Variants in TSHR observed in about 807,000 individuals in gnomAD.
The protein encoded by TSHR is thyroid stimulating hormone receptor, also known as thyrotropin receptor.
In TSHR, 51 loss-of-function variants were observed where a neutral mutation model predicts 64.1. The ratio of observed to expected loss-of-function variants is 0.80; its 90% CI spans 0.64 to 1.01. The LOEUF is 1.01. Ranked by LOEUF, TSHR falls within the 50% of genes least tolerant of loss-of-function variation. The pLI is 0.00. For missense variants in TSHR, 877 were observed against 942.8 expected, an observed-to-expected ratio of 0.93 and a Z score of 0.91; for synonymous variants, 361 against 361.9, an observed-to-expected ratio of 1.00 and a Z score of 0.03.
intron 1 of TSHR, among the ~76,000 whole-genome samples, chr14:80,961,929 C>T (rs1285244121): frequency 6.6e-6 from 1 of 152,160 alleles, no homozygotes; most frequent in African/African-American, 2.4e-5. Flanking sequence ...CTTGATGAAA[C>T]CTTCCCAATC....
At chr14:81,010,581 G>A (rs1205066507) in intron 1 of TSHR, among the ~76,000 whole-genome samples, 1 of 151,754 alleles carries the variant, frequency 6.6e-6, no homozygotes, top group East Asian at 1.9e-4. Flanking sequence ...ATCTTTATAT[G>A]CAACAACATT....
At chr14:81,079,845 A>AC (rs1244780210) in intron 3 of TSHR, among the ~76,000 whole-genome samples, 2 of 145,702 alleles carry the variant, frequency 1.4e-5, no homozygotes, top group Non-Finnish European at 3.0e-5. Context: ...ACAGAATGAG[A>AC]CCCCTAGCTC....
intron 1 of TSHR, among the ~76,000 whole-genome samples, chr14:81,019,457 CTTTTTTT>C (rs1166193901): frequency 2.5e-5 from 3 of 118,388 alleles, no homozygotes; most frequent in Non-Finnish European, 3.6e-5. Context: ...ATCATCAATT[CTTTTTTT>C]TTTTTTTTTT....
chr14:81,068,502 A>C (rs1886825998), intron 3 of TSHR, 174 bp downstream of exon 3: 1 of 631,820 alleles, frequency 1.6e-6, no homozygotes, highest in African/African-American at 1.8e-5. Flanking sequence ...CATCTTCATT[A>C]CACCTCAATT....
intron 8 of TSHR, among the ~76,000 whole-genome samples, chr14:81,136,418 C>CATGTTGTAGTG (rs375117993): frequency 0.068 from 10,320 of 152,206 alleles, 845 homozygotes; most frequent in East Asian, 0.24. Flanking sequence ...GGAAATCCAA[C>CATGTTGTAGTG]ATTCCTCAAG....
chr14:81,096,544 T>C, intron 6 of TSHR, 95 bp from the exon 7 acceptor site: 1 of 1,280,428 alleles, frequency 7.8e-7, no homozygotes, highest in Non-Finnish European at 1.1e-6. Flanking sequence ...TTTATGTACA[T>C]TTATGACACT....
chr14:81,106,056 T>G (rs1595123055), intron 7 of TSHR, among the ~76,000 whole-genome samples: 1 of 152,020 alleles, frequency 6.6e-6, no homozygotes, highest in South Asian at 2.1e-4. Context: ...AATGATCAAG[T>G]GGGGATTGTG....
At position 81,090,747 on chromosome 14, in the gene TSHR, T is replaced by TCA. The variant is rs374517515; in HGVS notation, c.393-306_393-305dup. On this transcript the variant is annotated intron_variant, in intron 4 of 9. Coordinates refer to ENST00000298171, the MANE Select transcript of TSHR (RefSeq NM_000369.5). ...AATTTTTTCCAATTAAACGAGAAAATCACACACACACACACACGAAAACTG... is the reference window on the plus strand; with the variant it reads ...AATTTTTTCCAATTAAACGAGAAAATCACACACACACACACACACGAAAACTG... Among the ~76,000 whole-genome samples, 1,398 of 151,382 alleles carry TCA rather than the reference T, an allele frequency of 9.2e-3. 22 individuals carry two copies. The highest frequency in any genetic ancestry group is 0.031 in the African/African-American group (1,289 of 41,334).
rs187722293 is a variant in TSHR at position 81,058,538 on chromosome 14, G to C, written c.171-3610G>C. On this transcript the variant is annotated intron_variant, in intron 1 of 9. Transcript: ENST00000298171. Reference sequence around the variant, plus strand: ...GTAAATAGATGTACTATTTGTATGAGGTGAGGTTTTTTTCTCATATTTTAG... The same window carrying C: ...GTAAATAGATGTACTATTTGTATGACGTGAGGTTTTTTTCTCATATTTTAG... Among the ~76,000 whole-genome samples the C allele has an allele frequency of 1.9e-4, 29 of 152,186 alleles. 1 individual carries two copies. Among genetic ancestry groups the C allele is most frequent in the African/African-American group, 6.5e-4 (27 of 41,530 alleles).
At chr14:81,134,522 CT>C (rs1202361912) in intron 8 of TSHR, among the ~76,000 whole-genome samples, 3 of 152,118 alleles carry the variant, frequency 2.0e-5, no homozygotes, top group Non-Finnish European at 4.4e-5. Flanking sequence ...TGTTTAGAGT[CT>C]TCTGTTGGCT....
intron 2 of TSHR, 86 bp downstream of exon 2, chr14:81,062,305 A>T: frequency 3.1e-6 from 3 of 962,938 alleles, no homozygotes; most frequent in Non-Finnish European, 4.8e-6. Flanking sequence ...ACTTGGTATT[A>T]TACTTGCATA....
intron 1 of TSHR, among the ~76,000 whole-genome samples, chr14:81,008,139 C>T (rs1321098458): frequency 1.3e-5 from 2 of 151,228 alleles, no homozygotes; most frequent in East Asian, 2.0e-4. Flanking sequence ...TGATCAGTTA[C>T]TTCAAACACA....
At chr14:80,967,184 G>T (rs1599862) in intron 1 of TSHR, among the ~76,000 whole-genome samples, 1 of 43,048 alleles carries the variant, frequency 2.3e-5, no homozygotes, top group African/African-American at 4.4e-5. Context: ...ATATATGTAT[G>T]TGTATATATA....
intron 9 of TSHR, 143 bp from the exon 10 acceptor site, chr14:81,142,797 A>G (rs980703700): frequency 1.5e-5 from 11 of 736,846 alleles, no homozygotes; most frequent in South Asian, 1.5e-4. Flanking sequence ...TTTTATAGAG[A>G]TGGGATTTCA....
intron 1 of TSHR, among the ~76,000 whole-genome samples, chr14:80,973,403 C>CAAAAAAAGAAAAAAAAAAAAAAAA (rs1887688452): frequency 1.9e-5 from 1 of 51,470 alleles, no homozygotes. Flanking sequence ...GACGCTGTCT[C>CAAAAAAAGAAAAAAAAAAAAAAAA]AAAAAAAAAA....
At chr14:81,097,847 G>A (rs1442928004) in intron 7 of TSHR, among the ~76,000 whole-genome samples, 1 of 152,162 alleles carries the variant, frequency 6.6e-6, no homozygotes, top group African/African-American at 2.4e-5. Context: ...TTTATGAAAT[G>A]AAGAGTTACA....
chr14:81,030,133 A>G (rs1884275991), intron 1 of TSHR, among the ~76,000 whole-genome samples: 1 of 152,186 alleles, frequency 6.6e-6, no homozygotes, highest in African/African-American at 2.4e-5. Context: ...GGCTGATACA[A>G]TATTGGTATA....
At chr14:80,981,362 T>C (rs1373933052) in intron 1 of TSHR, among the ~76,000 whole-genome samples, 1 of 152,148 alleles carries the variant, frequency 6.6e-6, no homozygotes, top group Admixed American at 6.5e-5. Flanking sequence ...TTTGATGCAG[T>C]GGCGTCAGGA....
chr14:81,090,924 C>T (rs1888680325), intron 4 of TSHR, 145 bp from the exon 5 acceptor site: 3 of 699,514 alleles, frequency 4.3e-6, no homozygotes, highest in Admixed American at 4.4e-5. Context: ...CATAGTTACT[C>T]AGATATTTAG....
Sources: allele counts gnomAD v4.1 joint callset (sites outside exome capture counted in the v4.1 genomes callset), GRCh38; gene constraint gnomAD v4.1.1; transcripts MANE v1.5; gene names NCBI Gene and HGNC (gene_info 2026-07-23, HGNC 2026-07-21).